ZBED6: variants seen among roughly 807,000 people sequenced by gnomAD.
ZBED6 encodes the protein zinc finger BED domain-containing protein 6.
ZBED6 carries 40 observed loss-of-function variants against 58.4 expected under a neutral mutation model. The ratio of observed to expected loss-of-function variants is 0.68; its 90% CI spans 0.53 to 0.89. ZBED6 has a LOEUF of 0.89. Ranked by LOEUF, ZBED6 falls within the 40% of genes least tolerant of loss-of-function variation. The probability of loss-of-function intolerance (pLI) is 0.00; values close to 1 mark genes in which losing one functional copy is unlikely to be tolerated. For missense variants in ZBED6, 1,057 were observed against 1,003.9 expected, an observed-to-expected ratio of 1.05 and a Z score of -0.71; for synonymous variants, 439 against 350.6, an observed-to-expected ratio of 1.25 and a Z score of -2.82.
At chr1:203,828,647 A>C (rs1378523198) in intron 4 of ZBED6, among the ~76,000 whole-genome samples, 2 of 152,160 alleles carry the variant, frequency 1.3e-5, no homozygotes, top group Non-Finnish European at 2.9e-5. Flanking sequence ...TACTTACTTC[A>C]TTTCTCATAT....
exon 1 of ZBED6, chr1:203,799,135 A>G (rs929995447): frequency 4.6e-6 from 7 of 1,511,170 alleles, no homozygotes; most frequent in African/African-American, 1.4e-5. Context: ...TTGATAACCA[A>G]TATTTTACAA....
intron 3 of ZBED6, among the ~76,000 whole-genome samples, chr1:203,821,655 C>T (rs1305626768): frequency 6.6e-6 from 1 of 152,124 alleles, no homozygotes; most frequent in Non-Finnish European, 1.5e-5. Flanking sequence ...AAGATTTGGG[C>T]TGCTCCTAGA....
chr1:203,850,238 G>A, intron 14 of ZBED6: 1 of 663,330 alleles, frequency 1.5e-6, no homozygotes. Flanking sequence ...AAAGCTTTGT[G>A]TAAAACTTTC....
chr1:203,797,820 G>T (rs762047262), exon 1 of ZBED6: 8 of 1,536,114 alleles, frequency 5.2e-6, no homozygotes, highest in Non-Finnish European at 7.0e-6. Flanking sequence ...AGATGCCCCT[G>T]CTTTGTTAGC....
chr1:203,835,199 C>T (rs1683892354), intron 9 of ZBED6, among the ~76,000 whole-genome samples: 1 of 152,150 alleles, frequency 6.6e-6, no homozygotes, highest in African/African-American at 2.4e-5. Flanking sequence ...AGATAATGCC[C>T]ATGAATGAAA....
intron 11 of ZBED6, 133 bp from the exon 12 acceptor site, chr1:203,847,051 C>G: frequency 2.1e-6 from 2 of 956,484 alleles, no homozygotes; most frequent in South Asian, 3.3e-5. Flanking sequence ...AAATGTTACC[C>G]TTTTGATCCT....
chr1:203,810,193 C>G (rs1673896665), intron 1 of ZBED6, among the ~76,000 whole-genome samples: 1 of 149,488 alleles, frequency 6.7e-6, no homozygotes, highest in Non-Finnish European at 1.5e-5. Flanking sequence ...CCAGGCTGTT[C>G]TTGAACTCCT....
At chr1:203,806,197 A>G (rs1672281138) in intron 1 of ZBED6, 3 of 447,442 alleles carry the variant, frequency 6.7e-6, no homozygotes, top group South Asian at 3.6e-5. Flanking sequence ...GCTGTCCACC[A>G]TGCCAATGCA....
chr1:203,798,022 T>C, exon 1 of ZBED6: 6 of 1,533,864 alleles, frequency 3.9e-6, no homozygotes, highest in Non-Finnish European at 4.4e-6. Flanking sequence ...GGTAGCCATC[T>C]TGGTACATCT....
chr1:203,822,323 T>C (rs898276787), intron 3 of ZBED6, among the ~76,000 whole-genome samples: 3 of 152,092 alleles, frequency 2.0e-5, no homozygotes, highest in Admixed American at 6.5e-5. Context: ...CAAGGACACC[T>C]TTCTCACCAT....
At chr1:203,808,724 C>T (rs1326156869) in intron 1 of ZBED6, among the ~76,000 whole-genome samples, 1 of 152,110 alleles carries the variant, frequency 6.6e-6, no homozygotes, top group Admixed American at 6.5e-5. Context: ...CTGTTCTTTC[C>T]TCTACTGAAA....
At chr1:203,840,478 G>A (rs1685754471) in intron 11 of ZBED6, 104 bp downstream of exon 11, 2 of 1,181,124 alleles carry the variant, frequency 1.7e-6, no homozygotes, top group Non-Finnish European at 2.4e-6. Flanking sequence ...TTTGATTTTT[G>A]TTCTTTTGTA....
exon 1 of ZBED6, chr1:203,798,976 A>T (rs1460105426): frequency 6.5e-7 from 1 of 1,536,104 alleles, no homozygotes; most frequent in African/African-American, 1.4e-5. Context: ...CTGACTGTTG[A>T]CATATGGACC....
At chr1:203,832,517 C>T (rs1464994465) in intron 8 of ZBED6, among the ~76,000 whole-genome samples, 3 of 152,076 alleles carry the variant, frequency 2.0e-5, no homozygotes, top group Admixed American at 1.3e-4. Context: ...CCCGCCACCA[C>T]GCCTGGCTAA....
chr1:203,841,157 A>AAT (rs1172244977), intron 11 of ZBED6, among the ~76,000 whole-genome samples: 16 of 110,344 alleles, frequency 1.5e-4, no homozygotes, highest in African/African-American at 4.0e-4. Flanking sequence ...TTTTTTTTTT[A>AAT]TTTTTTTTTT....
chr1:203,851,215 A>G lies in ZBED6; in HGVS notation c.*4873+91A>G, dbSNP rs1356435559. 1.6e-5 allele frequency: 19 copies of G among 1,152,584 alleles called. No individual in the cohort carries two copies. The South Asian group carries it at 2.8e-4, about 17-fold the overall frequency. The allele number at this position is 1,152,584 out of a possible 1,614,324, so 71.4% of individuals were successfully genotyped here. ...ATAACACTGATAAATAACTTTAGCAACATTCAAATAAATCTGTTGCACTTC... is the reference window on the plus strand; with the variant it reads ...ATAACACTGATAAATAACTTTAGCAGCATTCAAATAAATCTGTTGCACTTC... On this transcript the variant is annotated intron_variant, in intron 16 of 16. Transcript: ENST00000550078.
exon 1 of ZBED6, chr1:203,801,891 C>A (rs938414167): frequency 6.6e-6 from 1 of 152,098 alleles, no homozygotes; most frequent in Non-Finnish European, 1.5e-5. Context: ...AAAGTTTACC[C>A]TTTTACTAAC....
intron 10 of ZBED6, among the ~76,000 whole-genome samples, chr1:203,839,931 G>A (rs1037753760): frequency 4.6e-5 from 7 of 151,460 alleles, no homozygotes; most frequent in Admixed American, 4.6e-4. Flanking sequence ...AGCCTCCAGA[G>A]TATCTGAGAT....
intron 9 of ZBED6, among the ~76,000 whole-genome samples, chr1:203,836,809 G>A (rs1366791967): frequency 6.6e-6 from 1 of 152,054 alleles, no homozygotes; most frequent in East Asian, 1.9e-4. Flanking sequence ...CTTGATTTAG[G>A]TCTTGGCTGT....
Sources: gnomAD v4.1 joint callset for allele counts (sites outside exome capture counted in the v4.1 genomes callset) on GRCh38, gnomAD v4.1.1 for gene constraint, MANE v1.5 for transcripts, NCBI Gene and HGNC (gene_info 2026-07-23, HGNC 2026-07-21) for gene names.